The following ZNF469 variants were observed in gnomAD, a reference collection of about 807,000 sequenced individuals.
The protein encoded by ZNF469 is zinc finger protein 469.
In ZNF469, 1 loss-of-function variant was observed where a neutral mutation model predicts 1.0. That is an observed-to-expected ratio of 1.00 (90% CI 0.35 to 4.73). The LOEUF is 4.73. ZNF469 is among the 30% of genes most tolerant of loss of function. The pLI is 0.16. For missense variants in ZNF469, 6,100 were observed against 5,356.3 expected (o/e 1.14, Z -4.33); for synonymous variants, 2,703 against 2,363.4 (o/e 1.14, Z -4.17).
the ZNF469 span, among the ~76,000 whole-genome samples, chr16:88,203,534 C>A: frequency 1.3e-5 from 2 of 152,234 alleles, no homozygotes; most frequent in East Asian, 1.9e-4. Context: ...GAGCTGGGGG[C>A]CAAAGCCGTG....
chr16:88,118,006 G>C, the ZNF469 span, among the ~76,000 whole-genome samples: 1 of 152,198 alleles, frequency 6.6e-6, no homozygotes, highest in African/African-American at 2.4e-5. Context: ...GCAGTGGCAC[G>C]ATCTCATCTC....
At chr16:88,396,905 A>ATGAAGGGAGGCCGGGAGGAGACCCTCT (rs1567500185) in intron 1 of ZNF469, among the ~76,000 whole-genome samples, 1 of 94,870 alleles carries the variant, frequency 1.1e-5, no homozygotes, top group Non-Finnish European at 2.1e-5. Context: ...GGAGACCCTC[A>ATGAAGGGAGGCCGGGAGGAGACCCTCT]TGAAGGGAGG....
the ZNF469 span, among the ~76,000 whole-genome samples, chr16:88,251,784 C>T: frequency 6.6e-6 from 1 of 151,846 alleles, no homozygotes; most frequent in Non-Finnish European, 1.5e-5. Flanking sequence ...GTCTCAAACT[C>T]CTGACCTTAA....
At chr16:88,243,165 T>G in the ZNF469 span, among the ~76,000 whole-genome samples, 1 of 152,178 alleles carries the variant, frequency 6.6e-6, no homozygotes, top group Non-Finnish European at 1.5e-5. Context: ...CCTTGGCTGG[T>G]GGCCAGCTCA....
In ZNF469 at chr16:88,429,940, C is replaced by A. The variant is rs1415150537; in HGVS notation, c.2470C>A (p.Pro824Thr). ...CTTCCTGCCCAGCCTGGCCGCCACC[C>A]CCTTCCCGCTCCCTGCCTCGGACCT... ...TGFLPSLAATPFPLPASDLDM... is the reference protein window; with the variant it reads ...TGFLPSLAATTFPLPASDLDM... Residue 824 changes from proline to threonine, a missense_variant, in exon 3 of 3, where the codon CCC (proline) becomes ACC (threonine). Coordinates refer to ENST00000565624, the MANE Select transcript of ZNF469 (RefSeq NM_001367624.2). The A allele has an allele frequency of 1.3e-6, 2 of 1,550,334 alleles. No homozygotes were observed. The highest frequency in any genetic ancestry group is 3.9e-5 in the Admixed American group (2 of 51,016).
At chr16:88,352,360 G>A in the ZNF469 span, among the ~76,000 whole-genome samples, 7 of 152,230 alleles carry the variant, frequency 4.6e-5, no homozygotes, top group Admixed American at 1.3e-4. Context: ...TGGTGTCCTC[G>A]TGACTCATCT....
intron 1 of ZNF469, among the ~76,000 whole-genome samples, chr16:88,390,373 G>A (rs930316698): frequency 6.6e-6 from 1 of 152,194 alleles, no homozygotes; most frequent in Non-Finnish European, 1.5e-5. Flanking sequence ...CCTACCCAGT[G>A]GGGAGCAGTC....
the ZNF469 span, among the ~76,000 whole-genome samples, chr16:88,377,444 G>C: frequency 6.6e-6 from 1 of 152,208 alleles, no homozygotes; most frequent in African/African-American, 2.4e-5. Context: ...CTGTGCCCCT[G>C]TGCAGGACGC....
At chr16:88,198,072 A>T in the ZNF469 span, among the ~76,000 whole-genome samples, 3 of 152,250 alleles carry the variant, frequency 2.0e-5, no homozygotes, top group African/African-American at 7.2e-5. Context: ...CATCACAGCT[A>T]CAGAAATCTC....
rs1489932867 is a variant in ZNF469 at position 88,430,740 on chromosome 16, C to T, written c.3270C>T (p.Arg1090=). ...PRPGAEDRRL[R]EYDFASESEE... The stretch of plus-strand genomic sequence containing the variant: ...CCGGAGCTGAGGACCGCAGGCTCCG[C>T]GAGTACGACTTCGCCTCGGAGTCCG... Residue 1090 remains arginine, a synonymous_variant, in exon 3 of 3, where the codon CGC becomes CGT. Transcript: ENST00000565624. 6 of 1,501,480 alleles carry T rather than the reference C, an allele frequency of 4.0e-6. No homozygotes were observed. In the East Asian group the frequency reaches 7.6e-5, roughly 19 times the overall value. The allele number at this position is 1,501,480 out of a possible 1,614,324, so 93.0% of individuals were successfully genotyped here. A position where few individuals can be genotyped will look rare whatever the true frequency, so the allele number is the denominator to read the frequency against.
At chr16:88,232,099 G>C in the ZNF469 span, among the ~76,000 whole-genome samples, 1 of 152,172 alleles carries the variant, frequency 6.6e-6, no homozygotes, top group Non-Finnish European at 1.5e-5. Context: ...CTGGCCCTCA[G>C]ACCTCGACCA....
chr16:88,202,639 T>C, the ZNF469 span, among the ~76,000 whole-genome samples: 389 of 152,280 alleles, frequency 2.6e-3, 2 homozygotes, highest in African/African-American at 8.9e-3. Flanking sequence ...GAATGGACTT[T>C]GAGTTTCTGG....
chr16:88,319,600 C>T, the ZNF469 span, among the ~76,000 whole-genome samples: 1 of 152,140 alleles, frequency 6.6e-6, no homozygotes, highest in African/African-American at 2.4e-5. Flanking sequence ...CCTAGGGCCT[C>T]AGGTAGCCCC....
chr16:88,199,109 A>G, the ZNF469 span, among the ~76,000 whole-genome samples: 4 of 151,906 alleles, frequency 2.6e-5, no homozygotes, highest in Non-Finnish European at 4.4e-5. Flanking sequence ...ACCTGGCAGG[A>G]GATGTCAGAC....
the ZNF469 span, among the ~76,000 whole-genome samples, chr16:88,175,010 A>G: frequency 6.6e-6 from 1 of 152,078 alleles, no homozygotes; most frequent in Admixed American, 6.6e-5. Context: ...AAGTGTGAAC[A>G]TGGGCTGACA....
the ZNF469 span, among the ~76,000 whole-genome samples, chr16:88,188,828 G>A: frequency 1.3e-5 from 2 of 152,192 alleles, no homozygotes; most frequent in South Asian, 2.1e-4. Flanking sequence ...GCACCTCTCT[G>A]TGGAGTTTGA....
At chr16:88,227,441 C>A in the ZNF469 span, among the ~76,000 whole-genome samples, 2 of 152,042 alleles carry the variant, frequency 1.3e-5, no homozygotes, top group Non-Finnish European at 2.9e-5. Flanking sequence ...ACACCGGCCT[C>A]CAGTCCCTCC....
chr16:88,403,438 C>T (rs540691017), intron 1 of ZNF469, among the ~76,000 whole-genome samples: 1 of 152,156 alleles, frequency 6.6e-6, no homozygotes, highest in Non-Finnish European at 1.5e-5. Flanking sequence ...CAGGTCACTG[C>T]TCTCCCAGGC....
At chr16:88,123,568 G>C in the ZNF469 span, among the ~76,000 whole-genome samples, 27,342 of 152,140 alleles carry the variant, frequency 0.18, 2,965 homozygotes, top group East Asian at 0.46. Context: ...TTTCTCTTGG[G>C]TGAGGGCCTA....
Sources: gnomAD v4.1 joint callset for allele counts (sites outside exome capture counted in the v4.1 genomes callset) on GRCh38, gnomAD v4.1.1 for gene constraint, MANE v1.5 for transcripts, NCBI Gene and HGNC (gene_info 2026-07-23, HGNC 2026-07-21) for gene names.